NDFIP2: variants seen among roughly 807,000 people sequenced by gnomAD.
NDFIP2 encodes the protein NEDD4 family-interacting protein 2.
NDFIP2 carries 19 observed loss-of-function variants against 36.0 expected under a neutral mutation model. The ratio of observed to expected loss-of-function variants is 0.53; its 90% confidence interval spans 0.37 to 0.77. NDFIP2 has a LOEUF of 0.77. Among genes scored for constraint, NDFIP2 ranks in the 30% least tolerant of loss-of-function variants. The pLI, the probability that NDFIP2 is intolerant of heterozygous loss-of-function variation, is 0.00. For missense variants in NDFIP2, 446 were observed against 435.8 expected (o/e 1.02, Z -0.21); for synonymous variants, 181 against 167.7 (o/e 1.08, Z -0.61).
chr13:79,542,582 C>T (rs1875500860), intron 4 of NDFIP2, among the ~76,000 whole-genome samples: 1 of 151,568 alleles, frequency 6.6e-6, no homozygotes, highest in South Asian at 2.1e-4. Context: ...ATTTCCCTAA[C>T]AATTGATGTT....
intron 2 of NDFIP2, 93 bp from the exon 3 acceptor site, chr13:79,533,230 G>C (rs1303493378): frequency 8.9e-7 from 1 of 1,117,788 alleles, no homozygotes; most frequent in Non-Finnish European, 1.3e-6. Flanking sequence ...TAGTAGTCCT[G>C]TATTGGTGGC....
intron 1 of NDFIP2, among the ~76,000 whole-genome samples, chr13:79,485,851 T>C (rs1265424663): frequency 6.6e-6 from 1 of 152,134 alleles, no homozygotes; most frequent in Non-Finnish European, 1.5e-5. Flanking sequence ...TCTCCTTAAA[T>C]ATTGATGCAT....
intron 3 of NDFIP2, among the ~76,000 whole-genome samples, chr13:79,537,198 C>T (rs1478317308): frequency 2.0e-5 from 3 of 152,098 alleles, no homozygotes; most frequent in Admixed American, 1.3e-4. Flanking sequence ...ACCTCCGCCT[C>T]CCCAGTTCAA....
At position 79,481,375 on chromosome 13, in the gene NDFIP2, AACGGAGGCGGAAGGGGCCCTGCGGCGACG is replaced by A. The variant is rs1441777629; in HGVS notation, c.176_204del (p.Gly59ValfsTer10). 20 of 1,554,290 alleles carry A rather than the reference AACGGAGGCGGAAGGGGCCCTGCGGCGACG, an allele frequency of 1.3e-5. No homozygotes were observed. The East Asian group carries it at 4.8e-4, about 37-fold the overall frequency. Reference sequence around the variant, plus strand: ...TCCGCCGGGAGACCGCGGCTGCAGGAACGGAGGCGGAAGGGGCCCTGCGGCGACGACGTCGTCGACGGGGGTGGCCGTGG... The same window carrying A: ...TCCGCCGGGAGACCGCGGCTGCAGGAACGTCGTCGACGGGGGTGGCCGTGG... On this transcript the variant is annotated frameshift_variant, in exon 1 of 8. Transcript: ENST00000218652. LOFTEE classifies it high-confidence loss of function.
intron 1 of NDFIP2, among the ~76,000 whole-genome samples, chr13:79,517,688 GAAAT>G (rs781676210): frequency 1.4e-4 from 22 of 152,148 alleles, no homozygotes; most frequent in Non-Finnish European, 1.9e-4. Context: ...TAGGGCAGTT[GAAAT>G]AAATTAGGGC....
rs1249041012 is a variant in NDFIP2, at chr13:79,520,827, T to G, written c.339T>G (p.Asp113Glu). The G allele has an allele frequency of 2.5e-6, 4 of 1,612,138 alleles. No homozygotes were observed. The highest frequency in any genetic ancestry group is 1.3e-5 in the African/African-American group (1 of 74,940). ...GRYQVLLNEE[D>E]NSESSAIEQP... ...TCTCTTAGCTTCTTAATGAAGAGGA[T>G]AACTCAGAATCATCGGCTATAGAGC... is the stretch of plus-strand genomic sequence containing the variant. Residue 113 changes from aspartate to glutamate, a missense_variant, in exon 2 of 8, where the codon GAT becomes GAG. By Grantham distance (45) the Asp-to-Glu change is conservative. This residue lies in a region of NDFIP2 where 369 missense variants were observed against 304.8 expected (regional missense o/e 1.21). Coordinates refer to ENST00000218652, the MANE Select transcript of NDFIP2 (RefSeq NM_019080.3).
Position 79,481,533 on chromosome 13 carries a change from C to T in NDFIP2, c.321+9C>T. On this transcript the variant is annotated intron_variant, in intron 1 of 7. Transcript: ENST00000218652. ...CTGGGCGCTACCAGGTGGTGAGTTC[C>T]CGGCCTCCTGTGCCTCCCGGGACTG... The T allele has an allele frequency of 6.5e-7, 1 of 1,544,980 alleles. No individual in the cohort carries two copies.
intron 3 of NDFIP2, among the ~76,000 whole-genome samples, chr13:79,534,362 T>G (rs1227257347): frequency 6.7e-6 from 1 of 148,920 alleles, no homozygotes. Context: ...TTTTTTTTTT[T>G]TTTTTTTTTT....
At chr13:79,500,567 G>A (rs946973650) in intron 1 of NDFIP2, among the ~76,000 whole-genome samples, 5 of 151,930 alleles carry the variant, frequency 3.3e-5, no homozygotes, top group Non-Finnish European at 7.4e-5. Flanking sequence ...GTAAGCAAAT[G>A]AAAAGATACT....
chr13:79,489,412 A>G (rs77346662), intron 1 of NDFIP2, among the ~76,000 whole-genome samples: 6,201 of 152,224 alleles, frequency 0.041, 399 homozygotes, highest in African/African-American at 0.14. Flanking sequence ...TCATAATGTC[A>G]TTTTTGCAGT....
At chr13:79,540,055 TA>T (rs965099077) in intron 4 of NDFIP2, among the ~76,000 whole-genome samples, 3 of 152,250 alleles carry the variant, frequency 2.0e-5, no homozygotes, top group African/African-American at 7.2e-5. Context: ...TTCAGATTTT[TA>T]AAGAGAAATA....
intron 1 of NDFIP2, among the ~76,000 whole-genome samples, chr13:79,504,068 G>T (rs1873767817): frequency 6.6e-6 from 1 of 152,104 alleles, no homozygotes; most frequent in South Asian, 2.1e-4. Flanking sequence ...AATGGCTGAA[G>T]GTATAGAGGA....
chr13:79,489,492 G>T (rs1177759436), intron 1 of NDFIP2, among the ~76,000 whole-genome samples: 1 of 152,186 alleles, frequency 6.6e-6, no homozygotes, highest in Non-Finnish European at 1.5e-5. Context: ...CCATCTGTCA[G>T]TGGGGGAGAA....
chr13:79,489,937 GC>G (rs2140732644), intron 1 of NDFIP2, among the ~76,000 whole-genome samples: 1 of 152,298 alleles, frequency 6.6e-6, no homozygotes, highest in Non-Finnish European at 1.5e-5. Flanking sequence ...AAAATGTGGG[GC>G]CCTGGCCTGT....
At chr13:79,549,412 A>G (rs879913865) in intron 6 of NDFIP2, among the ~76,000 whole-genome samples, 5 of 151,870 alleles carry the variant, frequency 3.3e-5, no homozygotes, top group East Asian at 1.9e-4. Context: ...ATTTGTGTGT[A>G]TATATATATT....
chr13:79,520,958 A>T lies in NDFIP2; in HGVS notation c.470A>T (p.Glu157Val). 1 of 1,603,766 alleles carries T rather than the reference A, an allele frequency of 6.2e-7. No homozygotes were observed. The highest frequency in any genetic ancestry group is 8.5e-7 in the Non-Finnish European group (1 of 1,174,238). ...SPPPYSSITV[E>V]VPTTSDTEVY... ...CCACCATATAGTAGTATTACTGTGGAAGTACCTACAACTTCAGGTATGAAA... is the reference window on the plus strand; with the variant it reads ...CCACCATATAGTAGTATTACTGTGGTAGTACCTACAACTTCAGGTATGAAA... The change falls in exon 2 of 8, where the codon GAA (glutamate) becomes GTA (valine). Residue 157 changes from glutamate to valine, a missense_variant. By Grantham distance (121) the Glu-to-Val change is moderately radical. Transcript: ENST00000218652.
intron 3 of NDFIP2, among the ~76,000 whole-genome samples, chr13:79,535,660 G>A (rs952977824): frequency 2.0e-5 from 3 of 152,080 alleles, no homozygotes; most frequent in Non-Finnish European, 2.9e-5. Flanking sequence ...TTCCTAACCC[G>A]GTGCTTCAGC....
chr13:79,496,938 C>T (rs1430370422), intron 1 of NDFIP2, among the ~76,000 whole-genome samples: 4 of 151,868 alleles, frequency 2.6e-5, no homozygotes, highest in Non-Finnish European at 5.9e-5. Flanking sequence ...AAGGTAATTT[C>T]GCTTTGTTTC....
At chr13:79,495,883 G>C (rs1292986796) in intron 1 of NDFIP2, among the ~76,000 whole-genome samples, 3 of 151,734 alleles carry the variant, frequency 2.0e-5, no homozygotes, top group Admixed American at 1.3e-4. Context: ...TTACAAGAAA[G>C]TGTGAAGGTT....
Sources: gnomAD v4.1 joint callset for allele counts (sites outside exome capture counted in the v4.1 genomes callset) on GRCh38, gnomAD v4.1.1 for gene constraint, gnomAD v4.1.1 regional missense constraint, MANE v1.5 for transcripts, NCBI Gene and HGNC (gene_info 2026-07-23, HGNC 2026-07-21) for gene names.